PCDHGB1: variants seen among roughly 807,000 people sequenced by gnomAD.
The protein encoded by PCDHGB1 is protocadherin gamma-B1.
PCDHGB1 carries 34 observed loss-of-function variants against 56.6 expected under a neutral mutation model. The observed-to-expected ratio is 0.60, with a 90% CI of 0.46 to 0.80. The LOEUF (loss-of-function observed/expected upper bound fraction) is 0.80. Ranked by LOEUF, PCDHGB1 falls within the 30% of genes least tolerant of loss-of-function variation. PCDHGB1 has a pLI of 0.00. For missense variants in PCDHGB1, 1,278 were observed against 1,204.6 expected, an observed-to-expected ratio of 1.06 and a Z score of -0.90; for synonymous variants, 561 against 505.9, an observed-to-expected ratio of 1.11 and a Z score of -1.46.
intron 1 of PCDHGB1, chr5:141,356,200 C>T (rs770189453): frequency 6.2e-7 from 1 of 1,608,202 alleles, no homozygotes; most frequent in African/African-American, 1.3e-5. Flanking sequence ...AAGCAAGGTA[C>T]TGGTGACAGT....
intron 2 of PCDHGB1, 114 bp from the exon 3 acceptor site, chr5:141,505,279 C>A (rs780513022): frequency 1.3e-6 from 2 of 1,541,274 alleles, no homozygotes; most frequent in Non-Finnish European, 1.7e-6. Flanking sequence ...AGAAACAGGT[C>A]TTGGGCATGG....
Position 141,485,567 on chromosome 5 carries a change from C to G in PCDHGB1, c.2410-9240C>G. The stretch of plus-strand genomic sequence containing the variant: ...CGTAGATGTGAATGATCACGCCCCC[C>G]GTTTTCCGCGGCAGCAGCTGGACTT... On this transcript the variant is annotated intron_variant, in intron 1 of 3. Transcript: ENST00000523390. This position sits in a 1 kb window ranked among gnomAD's most constrained non-coding sequence, Gnocchi z 5.7. 1 of 1,612,882 alleles carries G rather than the reference C, an allele frequency of 6.2e-7. No individual in the cohort carries two copies. The highest frequency in any genetic ancestry group is 8.5e-7 in the Non-Finnish European group (1 of 1,178,978).
chr5:141,441,885 CA>C, intron 1 of PCDHGB1: 1 of 345,036 alleles, frequency 2.9e-6, no homozygotes. Context: ...ACCTGGTCAC[CA>C]AGGTGGTGGC....
chr5:141,476,018 A>G lies in PCDHGB1; in HGVS notation c.2410-18789A>G. 7.3e-7 allele frequency: 1 copy of G among 1,371,412 alleles called. No homozygotes were observed. Among genetic ancestry groups the G allele is most frequent in the African/African-American group, 1.4e-5 (1 of 69,226 alleles). The allele number at this position is 1,371,412 out of a possible 1,614,324, so 85.0% of individuals were successfully genotyped here. A position where few individuals can be genotyped will look rare whatever the true frequency, so the allele number is the denominator to read the frequency against. The stretch of plus-strand genomic sequence containing the variant: ...AACGGCATCCAGAAAGCCATGTCGG[A>G]CTCGGCGCCCAGCGCCCAAGCGCTA... On this transcript the variant is annotated intron_variant, in intron 1 of 3. Coordinates refer to ENST00000523390, the MANE Select transcript of PCDHGB1 (RefSeq NM_018922.3). This position sits in a 1 kb window ranked among gnomAD's most constrained non-coding sequence, Gnocchi z 7.6.
chr5:141,408,488 T>C lies in PCDHGB1; in HGVS notation c.2409+55819T>C, dbSNP rs199936765. ...GAACCGAATAGACCGTGAGCAAATA[T>C]GCAAAGAGAGAAGAAGATGTGAGTT... On this transcript the variant is annotated intron_variant, in intron 1 of 3. Transcript: ENST00000523390. The C allele has an allele frequency of 8.1e-6, 13 of 1,613,894 alleles. No individual in the cohort carries two copies. The highest frequency in any genetic ancestry group is 4.0e-5 in the African/African-American group (3 of 74,922).
intron 1 of PCDHGB1, chr5:141,478,602 T>C (rs2099466537): frequency 6.4e-7 from 1 of 1,563,560 alleles, no homozygotes; most frequent in Admixed American, 1.9e-5. Context: ...TCCTACATCA[T>C]ATTGAGGAAG....
intron 1 of PCDHGB1, chr5:141,396,614 C>G (rs904107360): frequency 1.3e-5 from 2 of 149,602 alleles, no homozygotes; most frequent in African/African-American, 4.9e-5. Flanking sequence ...GGTGAGACTC[C>G]GTCTCAAAAA....
chr5:141,446,188 T>G (rs566309564), intron 1 of PCDHGB1, among the ~76,000 whole-genome samples: 28 of 152,326 alleles, frequency 1.8e-4, no homozygotes, highest in African/African-American at 6.3e-4. Context: ...TTTTGTTTAT[T>G]ATTATATTCC....
chr5:141,421,050 T>TACCACACAA, intron 1 of PCDHGB1: 1 of 561,278 alleles, frequency 1.8e-6, no homozygotes, highest in Non-Finnish European at 3.1e-6. Flanking sequence ...CCCCCGCCTC[T>TACCACACAA]ACCACACAAA....
At position 141,381,228 on chromosome 5, in the gene PCDHGB1, A is replaced by G. The variant is rs182297381; in HGVS notation, c.2409+28559A>G. ...TCTGGATTCTCCTCCTGGTTCCACC[A>G]ACTACTCTCCAGGACCTAGAAGAAT... On this transcript the variant is annotated intron_variant, in intron 1 of 3. Transcript: ENST00000523390. Among the ~76,000 whole-genome samples, 8 of 152,396 alleles carry G rather than the reference A, an allele frequency of 5.2e-5. No individual in the cohort carries two copies. In the East Asian group the frequency reaches 1.5e-3, roughly 29 times the overall value.
At chr5:141,436,849 T>C (rs1007573014) in intron 1 of PCDHGB1, among the ~76,000 whole-genome samples, 11 of 152,256 alleles carry the variant, frequency 7.2e-5, no homozygotes, top group African/African-American at 2.7e-4. Context: ...ACATTCTTGA[T>C]TGAGAAGCCA....
At chr5:141,376,043 C>G (rs201022484) in intron 1 of PCDHGB1, 1 of 1,613,172 alleles carries the variant, frequency 6.2e-7, no homozygotes, top group Non-Finnish European at 8.5e-7. Context: ...CCAGCCCCCT[C>G]TCTCCGCCAC....
rs1469509161 is a variant in PCDHGB1 at position 141,351,267 on chromosome 5, A to G, written c.1007A>G (p.Glu336Gly). ...HCNVQIEIVD[E>G]NDNAPEVTFM... ...AATGTTCAAATAGAAATTGTTGACG[A>G]GAATGACAATGCCCCAGAGGTGACA... Residue 336 changes from glutamate (E) to glycine (G), a missense_variant, in exon 1 of 4, where the codon GAG becomes GGG. Glu to Gly is a moderately conservative substitution (Grantham distance 98). Transcript: ENST00000523390. The G allele has an allele frequency of 6.2e-7, 1 of 1,614,032 alleles. No individual in the cohort carries two copies. Among genetic ancestry groups the G allele is most frequent in the Admixed American group, 1.7e-5 (1 of 60,034 alleles).
chr5:141,361,135 C>A, intron 1 of PCDHGB1: 1 of 1,613,506 alleles, frequency 6.2e-7, no homozygotes, highest in Non-Finnish European at 8.5e-7. Flanking sequence ...CTGCAGTATC[C>A]AAGTTGAAAT....
intron 1 of PCDHGB1, among the ~76,000 whole-genome samples, chr5:141,449,929 T>C (rs2098659723): frequency 6.6e-6 from 1 of 151,912 alleles, no homozygotes; most frequent in Non-Finnish European, 1.5e-5. Context: ...TACCATACCT[T>C]ATAGTATATT....
intron 2 of PCDHGB1, among the ~76,000 whole-genome samples, chr5:141,501,771 G>A (rs957546749): frequency 7.2e-5 from 11 of 152,118 alleles, no homozygotes; most frequent in African/African-American, 2.7e-4. Context: ...GGTTAAAAAA[G>A]AGGTCTCTCT....
intron 1 of PCDHGB1, chr5:141,355,897 G>A: frequency 1.2e-6 from 2 of 1,613,656 alleles, no homozygotes; most frequent in South Asian, 2.2e-5. Flanking sequence ...CATAATACTT[G>A]TGGATACCAA....
chr5:141,374,564 G>C (rs898196714), intron 1 of PCDHGB1: 10 of 1,613,616 alleles, frequency 6.2e-6, no homozygotes, highest in Middle Eastern at 1.6e-4. Flanking sequence ...CTATGACCCT[G>C]ATGTGGGAAT....
In PCDHGB1 at chr5:141,476,040, G is replaced by A; in HGVS notation, c.2410-18767G>A. 2.0e-6 allele frequency: 3 copies of A among 1,488,704 alleles called. No individual in the cohort carries two copies. Among genetic ancestry groups the A allele is most frequent in the Admixed American group, 2.2e-5 (1 of 44,984 alleles). 92.2% of individuals were successfully genotyped at this position (1,488,704 alleles called of 1,614,324 possible). On this transcript the variant is annotated intron_variant, in intron 1 of 3. Coordinates refer to ENST00000523390, the MANE Select transcript of PCDHGB1 (RefSeq NM_018922.3). The surrounding 1 kb of genome is among the most constrained non-coding windows in gnomAD (Gnocchi z 7.6). The stretch of plus-strand genomic sequence containing the variant: ...CGGACTCGGCGCCCAGCGCCCAAGC[G>A]CTAACCCGCTGAAAGTTTCTCAGCG...
Sources: gnomAD v4.1 joint callset for allele counts (sites outside exome capture counted in the v4.1 genomes callset) on GRCh38, gnomAD v4.1.1 for gene constraint, Gnocchi (gnomAD v3.1) non-coding constraint, MANE v1.5 for transcripts, NCBI Gene and HGNC (gene_info 2026-07-23, HGNC 2026-07-21) for gene names.